The following PIAS2 variants were observed in gnomAD, a reference collection of about 807,000 sequenced individuals.
The protein encoded by PIAS2 is protein inhibitor of activated STAT 2.
A neutral mutation model predicts 69.7 loss-of-function variants in PIAS2; 19 were observed. The ratio of observed to expected loss-of-function variants is 0.27; its 90% CI spans 0.19 to 0.40. The LOEUF (loss-of-function observed/expected upper bound fraction) is 0.40, where lower values mean the gene tolerates loss of function less well. Among genes scored for constraint, PIAS2 ranks in the 10% least tolerant of loss-of-function variants. The pLI is 1.00. For synonymous variants in PIAS2, 261 were observed against 263.2 expected, an observed-to-expected ratio of 0.99 and a Z score of 0.08; for missense variants, 624 against 757.0, an observed-to-expected ratio of 0.82 and a Z score of 2.06.
chr18:46,886,245 C>A (rs1275528407), intron 2 of PIAS2, among the ~76,000 whole-genome samples: 1 of 129,654 alleles, frequency 7.7e-6, no homozygotes. Flanking sequence ...GCTACCCAAG[C>A]CATATCACTA....
At chr18:46,866,207 G>T (rs986500070) in intron 2 of PIAS2, among the ~76,000 whole-genome samples, 5 of 152,110 alleles carry the variant, frequency 3.3e-5, no homozygotes, top group African/African-American at 1.2e-4. Flanking sequence ...GGGAAAAAAG[G>T]ATTTACAAAT....
At chr18:46,919,401 G>A (rs1256949121), upstream of PIAS2, among the ~76,000 whole-genome samples, 2 of 152,016 alleles carry the variant, frequency 1.3e-5, no homozygotes, top group South Asian at 4.2e-4. Context: ...CAGGAGAATC[G>A]CTTGAACCCT....
At position 46,826,954 on chromosome 18, in the gene PIAS2, T is replaced by A. The variant is rs576308241; in HGVS notation, c.1508+1005A>T. ...ACACAAAAAAACGATTGCCTAGATT[T>A]GGGGTGTAAATAGGAATAAACTACA... On this transcript the variant is annotated intron_variant, in intron 11 of 13. Coordinates refer to ENST00000585916, the MANE Select transcript of PIAS2 (RefSeq NM_004671.5). 2.0e-5 allele frequency: 3 copies of A among 152,274 alleles called. No homozygotes were observed. The South Asian group carries it at 6.2e-4, about 32-fold the overall frequency. The allele number at this position is 152,274 out of a possible 1,614,324, so 9.4% of individuals were successfully genotyped here. A position where few individuals can be genotyped will look rare whatever the true frequency, so the allele number is the denominator to read the frequency against.
intron 2 of PIAS2, among the ~76,000 whole-genome samples, chr18:46,889,333 A>C (rs2053702083): frequency 6.6e-6 from 1 of 152,206 alleles, no homozygotes. Flanking sequence ...TTGCACATTC[A>C]TATATCTGAT....
At position 46,808,206 on chromosome 18, in the gene PIAS2, T is replaced by TA. The variant is rs1160522663; in HGVS notation, c.*4226dup. ...TTACACTGAGAATGATGAAACTAAG[T>TA]AAAAATATGCAGAAGTAGCAAAGAC... On this transcript the variant is annotated 3_prime_UTR_variant, in exon 14 of 14. Coordinates refer to ENST00000585916, the MANE Select transcript of PIAS2 (RefSeq NM_004671.5). 3 of 152,012 alleles carry TA rather than the reference T, an allele frequency of 2.0e-5. No individual in the cohort carries two copies. Among genetic ancestry groups the TA allele is most frequent in the African/African-American group, 7.2e-5 (3 of 41,396 alleles). 9.4% of individuals were successfully genotyped at this position (152,012 alleles called of 1,614,324 possible).
At chr18:46,892,098 C>T (rs1198762107) in intron 1 of PIAS2, among the ~76,000 whole-genome samples, 3 of 152,242 alleles carry the variant, frequency 2.0e-5, no homozygotes, top group Admixed American at 6.5e-5. Flanking sequence ...CCGTGCTACA[C>T]ACTCCACAGT....
In PIAS2 at chr18:46,812,095, C is replaced by A; in HGVS notation, c.*338G>T. On this transcript the variant is annotated 3_prime_UTR_variant, in exon 14 of 14. Coordinates refer to ENST00000585916, the MANE Select transcript of PIAS2 (RefSeq NM_004671.5). ...AGAAAAAAGGTTACTTGAATATTTACATAATTTTATTGCTCTTTATTTTAA... is the reference window on the plus strand; with the variant it reads ...AGAAAAAAGGTTACTTGAATATTTAAATAATTTTATTGCTCTTTATTTTAA... The A allele has an allele frequency of 6.1e-6, 1 of 163,236 alleles. No individual in the cohort carries two copies. Among genetic ancestry groups the A allele is most frequent in the Non-Finnish European group, 1.3e-5 (1 of 75,320 alleles). 10.1% of individuals were successfully genotyped at this position (163,236 alleles called of 1,614,324 possible).
In PIAS2 at chr18:46,862,334, C is replaced by CA. The variant is rs1004620845; in HGVS notation, c.584+1829dup. ...TGGATGACAGAGCGAGACTCTGTCTCAAAAAAAAAATTATGTAATTAAGTA... is the reference window on the plus strand; with the variant it reads ...TGGATGACAGAGCGAGACTCTGTCTCAAAAAAAAAAATTATGTAATTAAGTA... On this transcript the variant is annotated intron_variant, in intron 3 of 13. Transcript: ENST00000585916. Among the ~76,000 whole-genome samples, 530 of 149,220 alleles carry CA rather than the reference C, an allele frequency of 3.6e-3. 1 individual carries two copies. Among genetic ancestry groups the CA allele is most frequent in the Middle Eastern group, 0.01 (3 of 288 alleles).
At chr18:46,889,595 G>A (rs2053744925) in intron 2 of PIAS2, among the ~76,000 whole-genome samples, 1 of 152,172 alleles carries the variant, frequency 6.6e-6, no homozygotes, top group Admixed American at 6.5e-5. Context: ...TGTTAAGGAT[G>A]TGGAGAAACT....
chr18:46,918,842 G>T (rs1486019749), upstream of PIAS2, among the ~76,000 whole-genome samples: 1 of 151,960 alleles, frequency 6.6e-6, no homozygotes, highest in Admixed American at 6.6e-5. Context: ...CACTTCCTCA[G>T]GAAGACCATC....
chr18:46,917,261 G>A (rs183142966), intron 1 of PIAS2, 61 bp downstream of exon 1: 57,370 of 1,431,616 alleles, frequency 0.04, 1,353 homozygotes, highest in Non-Finnish European at 0.046. Context: ...GCGACGTTGC[G>A]GTTTCCCCAC....
chr18:46,833,457 A>G (rs1403316964), intron 9 of PIAS2, among the ~76,000 whole-genome samples: 1 of 152,162 alleles, frequency 6.6e-6, no homozygotes, highest in African/African-American at 2.4e-5. Flanking sequence ...TGACTGGGAT[A>G]ATGATTTCAT....
At chr18:46,824,932 C>G (rs2042642931) in intron 11 of PIAS2, among the ~76,000 whole-genome samples, 1 of 150,396 alleles carries the variant, frequency 6.6e-6, no homozygotes, top group Non-Finnish European at 1.5e-5. Flanking sequence ...CCCAGGAGGT[C>G]AAGACTGCAG....
chr18:46,827,479 CATTAAAACCTGAAAATGATCCTGTAA>C (rs2042989333), intron 11 of PIAS2: 1 of 152,314 alleles, frequency 6.6e-6, no homozygotes, highest in South Asian at 2.1e-4. Context: ...TCTTTCATCT[CATTAAAACCTGAAAATGATCCTGTAA>C]TATAGGCGTT....
rs1210630993 is a variant in PIAS2, at chr18:46,810,883, C to T, written c.*1550G>A. The stretch of plus-strand genomic sequence containing the variant: ...TGAGAAATCAATTGGTTGGACTGGC[C>T]ATTAAAAAAAGGACTTTGTTTTTAA... On this transcript the variant is annotated 3_prime_UTR_variant, in exon 14 of 14. Transcript: ENST00000585916. The T allele has an allele frequency of 6.6e-6, 1 of 151,748 alleles. No homozygotes were observed. The highest frequency in any genetic ancestry group is 1.5e-5 in the Non-Finnish European group (1 of 67,980). 9.4% of individuals were successfully genotyped at this position (151,748 alleles called of 1,614,324 possible).
At chr18:46,876,382 T>C (rs2051194478) in intron 2 of PIAS2, among the ~76,000 whole-genome samples, 1 of 152,196 alleles carries the variant, frequency 6.6e-6, no homozygotes, top group Admixed American at 6.5e-5. Context: ...TGGTTAACTG[T>C]AAATAAAAAT....
intron 9 of PIAS2, among the ~76,000 whole-genome samples, chr18:46,833,875 G>C (rs2044035154): frequency 1.3e-5 from 2 of 152,186 alleles, no homozygotes; most frequent in African/African-American, 4.8e-5. Context: ...TCAAGTAAAT[G>C]TGGTTGAGAA....
intron 1 of PIAS2, among the ~76,000 whole-genome samples, chr18:46,896,165 C>CAAAAAAAAAAAAAAAAAAAAAAAA (rs1199712335): frequency 2.2e-4 from 7 of 31,904 alleles, no homozygotes; most frequent in Admixed American, 3.7e-4. Flanking sequence ...AAGAAAAAAG[C>CAAAAAAAAAAAAAAAAAAAAAAAA]AAAAAAAAAA....
intron 2 of PIAS2, among the ~76,000 whole-genome samples, chr18:46,880,692 T>C (rs981242357): frequency 2.0e-5 from 3 of 152,130 alleles, no homozygotes; most frequent in African/African-American, 7.2e-5. Flanking sequence ...GAAATAAAAA[T>C]ACACACACAA....
Sources: allele counts gnomAD v4.1 joint callset (sites outside exome capture counted in the v4.1 genomes callset), GRCh38; gene constraint gnomAD v4.1.1; transcripts MANE v1.5; gene names NCBI Gene and HGNC (gene_info 2026-07-23, HGNC 2026-07-21).